Variants in SLC36A4 observed in about 807,000 individuals in gnomAD.
The protein encoded by SLC36A4 is solute carrier family 36 member 4.
In SLC36A4, 49 loss-of-function variants were observed where a neutral mutation model predicts 50.5. The observed-to-expected ratio is 0.97, with a 90% CI of 0.77 to 1.23. The LOEUF (loss-of-function observed/expected upper bound fraction) is 1.23, where lower values mean the gene tolerates loss of function less well. SLC36A4 is among the 50% of genes most tolerant of loss of function. SLC36A4 has a pLI of 0.00. For synonymous variants in SLC36A4, 207 were observed against 206.5 expected (o/e 1.00, Z -0.02); for missense variants, 611 against 608.4 (o/e 1.00, Z -0.05).
In SLC36A4 at chr11:93,181,123, T is replaced by A. The variant is rs1365468581; in HGVS notation, c.456-242A>T. On this transcript the variant is annotated intron_variant, in intron 5 of 10. Transcript: ENST00000326402. ...CTTTTAATTCCCATCTCACATGTCA[T>A]CTTTACAACAGGTAGCACTTTGCTG... Among the ~76,000 whole-genome samples the A allele has an allele frequency of 5.3e-5, 8 of 152,088 alleles. No individual in the cohort carries two copies. In the East Asian group the frequency reaches 1.5e-3, roughly 29 times the overall value.
chr11:93,190,851 C>A (rs1862190055), intron 1 of SLC36A4, among the ~76,000 whole-genome samples: 1 of 152,092 alleles, frequency 6.6e-6, no homozygotes, highest in Admixed American at 6.6e-5. Context: ...CTAACTACAT[C>A]TGAAAAATCT....
At chr11:93,179,132 C>A (rs903133833) in intron 6 of SLC36A4, among the ~76,000 whole-genome samples, 1 of 152,112 alleles carries the variant, frequency 6.6e-6, no homozygotes, top group Non-Finnish European at 1.5e-5. Context: ...AGGATTAAAC[C>A]CTTTCAGTCC....
At chr11:93,165,804 T>A in intron 8 of SLC36A4, 114 bp downstream of exon 8, 1 of 606,560 alleles carries the variant, frequency 1.6e-6, no homozygotes, top group Non-Finnish European at 2.6e-6. Flanking sequence ...GGAAATCATG[T>A]AAAGAAAATT....
intron 4 of SLC36A4, chr11:93,182,256 T>C: frequency 2.3e-6 from 2 of 857,138 alleles, no homozygotes; most frequent in Non-Finnish European, 2.8e-6. Context: ...TTTTCCCAAG[T>C]ATACATTGTT....
chr11:93,189,829 T>C (rs1041092382), intron 1 of SLC36A4, among the ~76,000 whole-genome samples: 1 of 152,210 alleles, frequency 6.6e-6, no homozygotes, highest in Non-Finnish European at 1.5e-5. Flanking sequence ...CAATATGAAC[T>C]CTAAATGATG....
chr11:93,167,761 T>C (rs1025765467), intron 7 of SLC36A4, among the ~76,000 whole-genome samples, 183 bp downstream of exon 7: 7 of 152,122 alleles, frequency 4.6e-5, no homozygotes, highest in Admixed American at 4.6e-4. Context: ...GTTTAATCTC[T>C]ATGTCATATA....
At chr11:93,149,930 T>G (rs1686956667) in intron 10 of SLC36A4, among the ~76,000 whole-genome samples, 1 of 141,396 alleles carries the variant, frequency 7.1e-6, no homozygotes, top group Non-Finnish European at 1.6e-5. Context: ...ACTACTTTCT[T>G]TTACACCCTT....
At chr11:93,193,593 C>T (rs992261441) in intron 1 of SLC36A4, among the ~76,000 whole-genome samples, 1 of 152,074 alleles carries the variant, frequency 6.6e-6, no homozygotes, top group African/African-American at 2.4e-5. Flanking sequence ...CACCATATAT[C>T]TGATGTTAGG....
Position 93,168,153 on chromosome 11 carries a change from C to T in SLC36A4, c.559G>A (p.Glu187Lys), listed in dbSNP as rs780680575. Reference protein sequence around the residue: ...NVKQVHEGFLESKVFISNSTN... With the variant: ...NVKQVHEGFLKSKVFISNSTN... Reference sequence around the variant, plus strand: ...CTATTTGAAATAAACACTTTACTCTCCAGGAATCCTTCATGAACCTACATA... The same window carrying T: ...CTATTTGAAATAAACACTTTACTCTTCAGGAATCCTTCATGAACCTACATA... Residue 187 changes from glutamate to lysine, a missense_variant, in exon 7 of 11, where the codon GAG becomes AAG. By Grantham distance (56) the Glu-to-Lys change is moderately conservative. Transcript: ENST00000326402. The T allele has an allele frequency of 6.2e-7, 1 of 1,607,074 alleles. No homozygotes were observed.
chr11:93,171,053 G>A (rs1861110492), intron 6 of SLC36A4: 1 of 151,778 alleles, frequency 6.6e-6, no homozygotes, highest in African/African-American at 2.4e-5. Flanking sequence ...GAACACCTCT[G>A]TAGAGTGAAA....
At position 93,162,696 on chromosome 11, in the gene SLC36A4, A is replaced by T. The variant is rs1461705311; in HGVS notation, c.1037+10T>A. ...TATAAACTAATATTGACAAATTCATATACACCTACCATACATCTTGGGGAA... is the reference window on the plus strand; with the variant it reads ...TATAAACTAATATTGACAAATTCATTTACACCTACCATACATCTTGGGGAA... On this transcript the variant is annotated intron_variant, in intron 9 of 10. Transcript: ENST00000326402. 1.9e-6 allele frequency: 3 copies of T among 1,589,796 alleles called. No homozygotes were observed. Among genetic ancestry groups the T allele is most frequent in the East Asian group, 4.5e-5 (2 of 44,616 alleles).
At chr11:93,197,680 G>A in intron 1 of SLC36A4, 98 bp downstream of exon 1, 1 of 1,342,322 alleles carries the variant, frequency 7.4e-7, no homozygotes, top group Non-Finnish European at 1.0e-6. Flanking sequence ...CCTCAACTCA[G>A]GCCAAGCGCG....
intron 8 of SLC36A4, among the ~76,000 whole-genome samples, chr11:93,163,898 C>G (rs1286233115): frequency 6.6e-6 from 1 of 151,944 alleles, no homozygotes; most frequent in Non-Finnish European, 1.5e-5. Context: ...CCACTTTTGC[C>G]CATTGTAAAT....
chr11:93,161,964 G>A (rs1323664746), intron 9 of SLC36A4, among the ~76,000 whole-genome samples: 1 of 152,060 alleles, frequency 6.6e-6, no homozygotes, highest in African/African-American at 2.4e-5. Context: ...GCACCATTTT[G>A]TTTTATTATT....
intron 6 of SLC36A4, among the ~76,000 whole-genome samples, chr11:93,174,735 T>C (rs900236698): frequency 6.9e-6 from 1 of 145,548 alleles, no homozygotes; most frequent in African/African-American, 2.6e-5. Flanking sequence ...GCTCTGTTTA[T>C]ATGCTGGATT....
At position 93,145,823 on chromosome 11, in the gene SLC36A4, G is replaced by A. The variant is rs971438214; in HGVS notation, c.*2714C>T. On this transcript the variant is annotated 3_prime_UTR_variant, in exon 11 of 11. Transcript: ENST00000326402. The stretch of plus-strand genomic sequence containing the variant: ...AATAAAAGCAAGAGCTGGTATAATC[G>A]AAATATCGTCTCCAAAATCTTTAGG... 3.9e-5 allele frequency: 6 copies of A among 151,974 alleles called. No individual in the cohort carries two copies. The highest frequency in any genetic ancestry group is 1.4e-4 in the African/African-American group (6 of 41,390). The allele number at this position is 151,974 out of a possible 1,614,324, so 9.4% of individuals were successfully genotyped here. A position where few individuals can be genotyped will look rare whatever the true frequency, so the allele number is the denominator to read the frequency against.
chr11:93,182,030 G>T (rs1362749318), intron 4 of SLC36A4, among the ~76,000 whole-genome samples: 1 of 151,990 alleles, frequency 6.6e-6, no homozygotes, highest in Non-Finnish European at 1.5e-5. Context: ...GTTTATGTAA[G>T]TGCAGAACTC....
chr11:93,159,531 A>C lies in SLC36A4; in HGVS notation c.1037+3175T>G, dbSNP rs568051374. On this transcript the variant is annotated intron_variant, in intron 9 of 10. Coordinates refer to ENST00000326402, the MANE Select transcript of SLC36A4 (RefSeq NM_152313.4). The stretch of plus-strand genomic sequence containing the variant: ...GATGCTCAGGCTGAGAATCTTGAGG[A>C]TTTAGCTCTGTCAAGAAGTCATCTT... 1.3e-4 allele frequency among the ~76,000 whole-genome samples: 20 copies of C among 152,256 alleles called. 1 individual carries two copies. In the South Asian group the frequency reaches 4.1e-3, roughly 32 times the overall value.
rs982337479 is a variant in SLC36A4 at position 93,197,040 on chromosome 11, T to C, written c.55+738A>G. ...ATAACAACAACCTATCAGTTACTTA[T>C]AATACGGTATTTTTTAAAGTTCAAC... On this transcript the variant is annotated intron_variant, in intron 1 of 10. Coordinates refer to ENST00000326402, the MANE Select transcript of SLC36A4 (RefSeq NM_152313.4). Among the ~76,000 whole-genome samples the C allele has an allele frequency of 3.3e-5, 5 of 152,192 alleles. 1 individual carries two copies. The South Asian group carries it at 6.2e-4, about 19-fold the overall frequency.
Sources: allele counts gnomAD v4.1 joint callset (sites outside exome capture counted in the v4.1 genomes callset), GRCh38; gene constraint gnomAD v4.1.1; transcripts MANE v1.5; gene names NCBI Gene and HGNC (gene_info 2026-07-23, HGNC 2026-07-21).